The following SH3PXD2A variants were observed in gnomAD, a reference collection of about 807,000 sequenced individuals.
SH3PXD2A encodes the protein SH3 and PX domain-containing protein 2A.
Under a neutral mutation model 115.2 loss-of-function variants are expected in SH3PXD2A, and 32 were observed. The ratio of observed to expected loss-of-function variants is 0.28; its 90% CI spans 0.21 to 0.37. SH3PXD2A has a LOEUF of 0.37. SH3PXD2A is among the 10% of genes least tolerant of loss of function. SH3PXD2A has a pLI of 1.00. For missense variants in SH3PXD2A, 1,328 were observed against 1,498.7 expected, an observed-to-expected ratio of 0.89 and a Z score of 1.88; for synonymous variants, 610 against 629.1, an observed-to-expected ratio of 0.97 and a Z score of 0.45.
chr10:103,637,735 G>A (rs1037798436), intron 8 of SH3PXD2A, among the ~76,000 whole-genome samples: 8 of 152,276 alleles, frequency 5.3e-5, no homozygotes, highest in African/African-American at 1.7e-4. Context: ...GTGGCGACGG[G>A]TGGGGAGACA....
rs557950091 is a variant in SH3PXD2A, at chr10:103,769,788, G to A, written c.154-2619C>T. Among the ~76,000 whole-genome samples, 131 of 152,242 alleles carry A rather than the reference G, an allele frequency of 8.6e-4. 1 individual carries two copies. Among genetic ancestry groups the A allele is most frequent in the African/African-American group, 5.8e-4 (24 of 41,542 alleles). On this transcript the variant is annotated intron_variant, in intron 2 of 14. Transcript: ENST00000369774. Reference sequence around the variant, plus strand: ...TCAAACATTAATAATTGCCTGCTATGTGTAAAAACAGCAACTGGGCCATAA... The same window carrying A: ...TCAAACATTAATAATTGCCTGCTATATGTAAAAACAGCAACTGGGCCATAA...
chr10:103,782,609 CAG>C (rs1196812613), intron 2 of SH3PXD2A, among the ~76,000 whole-genome samples: 1 of 151,948 alleles, frequency 6.6e-6, no homozygotes, highest in East Asian at 1.9e-4. Flanking sequence ...ATCGGGAAAA[CAG>C]AAGCTATGGA....
At chr10:103,780,217 C>A (rs2038919521) in intron 2 of SH3PXD2A, among the ~76,000 whole-genome samples, 2 of 152,338 alleles carry the variant, frequency 1.3e-5, no homozygotes, top group South Asian at 2.1e-4. Flanking sequence ...CAGTGTGCAA[C>A]CCTGATGGGC....
chr10:103,688,822 T>C (rs1374198044), intron 6 of SH3PXD2A, among the ~76,000 whole-genome samples: 1 of 151,996 alleles, frequency 6.6e-6, no homozygotes, highest in Admixed American at 6.6e-5. Flanking sequence ...GGAAAGTATG[T>C]TATTTTCTTT....
chr10:103,826,182 A>T (rs1451212357), intron 1 of SH3PXD2A, among the ~76,000 whole-genome samples: 2 of 152,204 alleles, frequency 1.3e-5, no homozygotes, highest in African/African-American at 2.4e-5. Context: ...TGCTTTGCAC[A>T]TCCAGAGTTT....
intron 3 of SH3PXD2A, among the ~76,000 whole-genome samples, chr10:103,757,818 G>C (rs1375123405): frequency 6.6e-6 from 1 of 152,166 alleles, no homozygotes; most frequent in Non-Finnish European, 1.5e-5. Flanking sequence ...CAAGCTCCTT[G>C]CTGCTTTGCA....
chr10:103,781,991 G>A (rs2038935508), intron 2 of SH3PXD2A, among the ~76,000 whole-genome samples: 1 of 152,204 alleles, frequency 6.6e-6, no homozygotes, highest in Admixed American at 6.5e-5. Context: ...CCGCCTCTCT[G>A]AAGCAGCCCA....
At chr10:103,781,353 T>G (rs1235857257) in intron 2 of SH3PXD2A, among the ~76,000 whole-genome samples, 1 of 152,114 alleles carries the variant, frequency 6.6e-6, no homozygotes, top group African/African-American at 2.4e-5. Context: ...TCCTTCATAT[T>G]CTCTCTTCCT....
chr10:103,855,314 C>T lies in SH3PXD2A; in HGVS notation c.-48G>A. ...GCCCCCGGCGGCGTCACCTTCTCAT[C>T]CCGGCCGGGCTCCGGCTCCTTCTCC... On this transcript the variant is annotated 5_prime_UTR_variant, in exon 1 of 15. Coordinates refer to ENST00000369774, the MANE Select transcript of SH3PXD2A (RefSeq NM_001394015.1). The T allele has an allele frequency of 6.9e-7, 1 of 1,445,676 alleles. No individual in the cohort carries two copies. Among genetic ancestry groups the T allele is most frequent in the Middle Eastern group, 1.7e-4 (1 of 5,752 alleles). 89.6% of individuals were successfully genotyped at this position (1,445,676 alleles called of 1,614,324 possible). A position where few individuals can be genotyped will look rare whatever the true frequency, so the allele number is the denominator to read the frequency against.
chr10:103,605,033 T>G (rs1333184439), intron 14 of SH3PXD2A, among the ~76,000 whole-genome samples: 1 of 152,230 alleles, frequency 6.6e-6, no homozygotes, highest in East Asian at 1.9e-4. Flanking sequence ...ATTGACTAAG[T>G]TACAGCTCTT....
At chr10:103,847,829 C>G (rs760179308) in intron 1 of SH3PXD2A, among the ~76,000 whole-genome samples, 1 of 152,120 alleles carries the variant, frequency 6.6e-6, no homozygotes, top group African/African-American at 2.4e-5. Context: ...ATCCCAGCTA[C>G]TTGGGAGGCT....
At chr10:103,838,403 G>A (rs564279814) in intron 1 of SH3PXD2A, among the ~76,000 whole-genome samples, 22 of 152,324 alleles carry the variant, frequency 1.4e-4, no homozygotes, top group African/African-American at 5.3e-4. Context: ...ATTAACGGAA[G>A]AGGAAATCCA....
chr10:103,759,788 G>C lies in SH3PXD2A; in HGVS notation c.229+7306C>G, dbSNP rs185746757. On this transcript the variant is annotated intron_variant, in intron 3 of 14. Transcript: ENST00000369774. ...TTTCCACAGTCATCTTCTAAAACAAGGCAGAAAATTCCAAGTAAACAGTAG... is the reference window on the plus strand; with the variant it reads ...TTTCCACAGTCATCTTCTAAAACAACGCAGAAAATTCCAAGTAAACAGTAG... 3.9e-5 allele frequency among the ~76,000 whole-genome samples: 6 copies of C among 152,302 alleles called. 1 individual carries two copies. Among genetic ancestry groups the C allele is most frequent in the African/African-American group, 1.4e-4 (6 of 41,560 alleles).
Position 103,798,125 on chromosome 10 carries a change from G to A in SH3PXD2A, c.153+3157C>T, listed in dbSNP as rs1341699512. ...CTGAAGAGGGAGACATAAGGGAGGG[G>A]AAGTACGGGGAGACCCACGCTGGGG... On this transcript the variant is annotated intron_variant, in intron 2 of 14. Coordinates refer to ENST00000369774, the MANE Select transcript of SH3PXD2A (RefSeq NM_001394015.1). Among the ~76,000 whole-genome samples the A allele has an allele frequency of 1.2e-4, 18 of 152,148 alleles. 1 individual carries two copies. Among genetic ancestry groups the A allele is most frequent in the Admixed American group, 1.2e-3 (18 of 15,286 alleles).
At position 103,605,874 on chromosome 10, in the gene SH3PXD2A, A is replaced by G; in HGVS notation, c.1352T>C (p.Val451Ala). Residue 451 changes from valine (V) to alanine (A), a missense_variant, in exon 14 of 15, where the codon GTG becomes GCG. Around this residue, in one of 5 missense-constraint regions of SH3PXD2A, gnomAD observed 509 missense variants for 628.3 expected, o/e 0.81. Coordinates refer to ENST00000369774, the MANE Select transcript of SH3PXD2A (RefSeq NM_001394015.1). ...GAATTCGGCAATGGTGTAGTACTCC[A>G]CCTCAACAGAAGGGGGCTCTGGTGG... ...PKPPEPPSVE[V>A]EYYTIAEFQS... 1 of 1,613,798 alleles carries G rather than the reference A, an allele frequency of 6.2e-7. No homozygotes were observed. Among genetic ancestry groups the G allele is most frequent in the Non-Finnish European group, 8.5e-7 (1 of 1,179,700 alleles).
At chr10:103,695,513 GAAAAAA>G in intron 5 of SH3PXD2A, among the ~76,000 whole-genome samples, 1 of 93,090 alleles carries the variant, frequency 1.1e-5, no homozygotes, top group East Asian at 2.9e-4. Flanking sequence ...GTCTCAAAAA[GAAAAAA>G]AAAAAAAAAA....
chr10:103,833,287 CA>C (rs1490624469), intron 1 of SH3PXD2A, among the ~76,000 whole-genome samples: 1 of 152,154 alleles, frequency 6.6e-6, no homozygotes, highest in Non-Finnish European at 1.5e-5. Context: ...GAGGGATCCA[CA>C]ATGGTCTTCA....
intron 1 of SH3PXD2A, among the ~76,000 whole-genome samples, chr10:103,840,413 G>A (rs1024938783): frequency 6.6e-6 from 1 of 152,232 alleles, no homozygotes; most frequent in African/African-American, 2.4e-5. Context: ...GCAGTGTCAG[G>A]TTCCAGAAAC....
intron 8 of SH3PXD2A, among the ~76,000 whole-genome samples, chr10:103,645,299 C>G (rs776261674): frequency 7.2e-5 from 11 of 152,184 alleles, no homozygotes; most frequent in Non-Finnish European, 1.6e-4. Flanking sequence ...TGCCGGCCCC[C>G]GCAACTTCTG....
Sources: gnomAD v4.1 joint callset for allele counts (sites outside exome capture counted in the v4.1 genomes callset) on GRCh38, gnomAD v4.1.1 for gene constraint, gnomAD v4.1.1 regional missense constraint, MANE v1.5 for transcripts, NCBI Gene and HGNC (gene_info 2026-07-23, HGNC 2026-07-21) for gene names.